The following SEC14L5 variants were observed in gnomAD, a reference collection of about 807,000 sequenced individuals.
The protein encoded by SEC14L5 is SEC14 like lipid binding 5.
In SEC14L5, 96 loss-of-function variants were observed where a neutral mutation model predicts 84.6. The ratio of observed to expected loss-of-function variants is 1.13; its 90% confidence interval spans 0.96 to 1.34. SEC14L5 has a LOEUF of 1.34. SEC14L5 is among the 40% of genes most tolerant of loss of function. SEC14L5 has a pLI of 0.00. For synonymous variants in SEC14L5, 546 were observed against 383.4 expected, an observed-to-expected ratio of 1.42 and a Z score of -4.95; for missense variants, 1,224 against 942.5, an observed-to-expected ratio of 1.30 and a Z score of -3.91.
intron 6 of SEC14L5, among the ~76,000 whole-genome samples, chr16:4,995,408 C>A (rs377629815): frequency 6.6e-6 from 1 of 152,128 alleles, no homozygotes; most frequent in Admixed American, 6.5e-5. Flanking sequence ...CCCTGTGGTT[C>A]CCAGGCTGCT....
chr16:5,010,516 A>G (rs1955787811), intron 14 of SEC14L5, among the ~76,000 whole-genome samples: 1 of 152,156 alleles, frequency 6.6e-6, no homozygotes, highest in Admixed American at 6.5e-5. Flanking sequence ...GCACACACGC[A>G]GCACCAGCTC....
rs1555531142 is a variant in SEC14L5 at position 5,005,872 on chromosome 16, A to AAAAC, written c.1303-39_1303-38insCAAA. On this transcript the variant is annotated intron_variant, in intron 11 of 15. Transcript: ENST00000251170. ...GAGCAAGACTCCGTCTCAAAAAAAA[A>AAAAC]AAAAAAAAAACCATCCATCTTGCCT... The AAAAC allele has an allele frequency of 7.1e-5, 107 of 1,499,110 alleles. No homozygotes were observed. In the African/African-American group the frequency reaches 1.2e-3, roughly 16 times the overall value. The allele number at this position is 1,499,110 out of a possible 1,614,324, so 92.9% of individuals were successfully genotyped here.
intron 5 of SEC14L5, 95 bp downstream of exon 5, chr16:4,990,990 C>A: frequency 9.6e-7 from 1 of 1,045,930 alleles, no homozygotes; most frequent in Non-Finnish European, 1.3e-6. Context: ...CTTACCCTTC[C>A]TGGGCTCAGT....
At chr16:4,969,390 C>CA (rs747282123) in intron 2 of SEC14L5, among the ~76,000 whole-genome samples, 1 of 145,452 alleles carries the variant, frequency 6.9e-6, no homozygotes, top group Non-Finnish European at 1.5e-5. Flanking sequence ...CTAGTACTTT[C>CA]TTTTTTTTTT....
At chr16:5,010,904 GATATGGGGATA>G in intron 14 of SEC14L5, 180 bp from the exon 15 acceptor site, 1 of 598,676 alleles carries the variant, frequency 1.7e-6, no homozygotes, top group South Asian at 2.2e-5. Context: ...TGGTCCCAGG[GATATGGGGATA>G]ATAGCAAGGA....
At chr16:4,982,525 A>AC (rs1955437117) in intron 2 of SEC14L5, among the ~76,000 whole-genome samples, 1 of 151,692 alleles carries the variant, frequency 6.6e-6, no homozygotes, top group Non-Finnish European at 1.5e-5. Flanking sequence ...GCCTGGGAGG[A>AC]CCTCCGCCCG....
At chr16:5,005,876 A>C (rs758555207) in intron 11 of SEC14L5, 38 bp from the exon 12 acceptor site, 97 of 1,505,652 alleles carry the variant, frequency 6.4e-5, no homozygotes, top group African/African-American at 1.3e-4. Flanking sequence ...AAAAAAAAAA[A>C]AAAAAACCAT....
intron 2 of SEC14L5, among the ~76,000 whole-genome samples, chr16:4,964,197 G>A (rs1490667965): frequency 6.6e-6 from 1 of 152,168 alleles, no homozygotes; most frequent in Admixed American, 6.5e-5. Context: ...AGGACACAAA[G>A]GCCATGTGGC....
chr16:5,000,825 A>C lies in SEC14L5; in HGVS notation c.1060-30A>C, dbSNP rs1272325678. 4 of 1,586,310 alleles carry C rather than the reference A, an allele frequency of 2.5e-6. No individual in the cohort carries two copies. In the South Asian group the frequency reaches 3.4e-5, roughly 14 times the overall value. On this transcript the variant is annotated intron_variant, in intron 9 of 15. Transcript: ENST00000251170. Reference sequence around the variant, plus strand: ...TGTGTGGGGTAAAGCAGCGAGGCGGACGTTGAGCAGCACTGTCTCTCCCTT... The same window carrying C: ...TGTGTGGGGTAAAGCAGCGAGGCGGCCGTTGAGCAGCACTGTCTCTCCCTT...
intron 2 of SEC14L5, among the ~76,000 whole-genome samples, chr16:4,969,941 C>T (rs1955254737): frequency 1.3e-5 from 2 of 152,016 alleles, no homozygotes. Context: ...CCTCAGCCTC[C>T]CAAGTAGCTG....
intron 4 of SEC14L5, among the ~76,000 whole-genome samples, chr16:4,990,413 T>C (rs920820285): frequency 2.6e-5 from 4 of 152,250 alleles, no homozygotes; most frequent in Admixed American, 2.0e-4. Flanking sequence ...TTCGCCCACC[T>C]TGGGCTCCCA....
At chr16:5,012,107 C>G (rs1278643071) in intron 15 of SEC14L5, among the ~76,000 whole-genome samples, 3 of 152,126 alleles carry the variant, frequency 2.0e-5, no homozygotes, top group Non-Finnish European at 2.9e-5. Context: ...GCATGGGCAC[C>G]CAGAGTGAAG....
In SEC14L5 at chr16:5,014,889, C is replaced by T. The variant is rs1955854155; in HGVS notation, c.2010C>T (p.Thr670=). The T allele has an allele frequency of 6.2e-7, 1 of 1,613,760 alleles. No homozygotes were observed. The highest frequency in any genetic ancestry group is 8.5e-7 in the Non-Finnish European group (1 of 1,179,880). Residue 670 remains threonine, a synonymous_variant, in exon 16 of 16, where the codon ACC becomes ACT. Transcript: ENST00000251170. ...RGSMSSLESC[T]SGFSQLSAAT... Reference sequence around the variant, plus strand: ...CCATGTCCAGCCTGGAATCCTGCACCAGCGGCTTCTCCCAGCTCAGCGCCG... The same window carrying T: ...CCATGTCCAGCCTGGAATCCTGCACTAGCGGCTTCTCCCAGCTCAGCGCCG...
At chr16:4,993,472 C>T (rs1202566870) in intron 6 of SEC14L5, among the ~76,000 whole-genome samples, 1 of 152,188 alleles carries the variant, frequency 6.6e-6, no homozygotes, top group Non-Finnish European at 1.5e-5. Flanking sequence ...GAACTCCTGA[C>T]CTCAGGTGAT....
intron 15 of SEC14L5, among the ~76,000 whole-genome samples, chr16:5,012,680 G>A (rs947793419): frequency 6.6e-6 from 1 of 152,218 alleles, no homozygotes; most frequent in Admixed American, 6.5e-5. Flanking sequence ...CGAGGTGGGT[G>A]GATCATCTGT....
chr16:5,005,101 A>C (rs996584386), intron 11 of SEC14L5, among the ~76,000 whole-genome samples: 1 of 152,168 alleles, frequency 6.6e-6, no homozygotes, highest in Non-Finnish European at 1.5e-5. Context: ...ACCTGAGGTC[A>C]GGAGTTCAAG....
Position 4,964,734 on chromosome 16 carries a change from C to A in SEC14L5, c.63+5348C>A, listed in dbSNP as rs1352688366. On this transcript the variant is annotated intron_variant, in intron 2 of 15. Transcript: ENST00000251170. ...TACAGGCGTGAGCCACTGTGCCCCACCTCTTCTTCTTTTTTCGATACGGGG... is the reference window on the plus strand; with the variant it reads ...TACAGGCGTGAGCCACTGTGCCCCAACTCTTCTTCTTTTTTCGATACGGGG... Among the ~76,000 whole-genome samples the A allele has an allele frequency of 2.6e-5, 4 of 152,080 alleles. No individual in the cohort carries two copies. In the East Asian group the frequency reaches 7.7e-4, roughly 29 times the overall value.
chr16:4,982,964 T>C (rs1015664415), intron 2 of SEC14L5, among the ~76,000 whole-genome samples: 22 of 152,304 alleles, frequency 1.4e-4, no homozygotes, highest in Admixed American at 3.9e-4. Context: ...TATATTCATA[T>C]ATAAAATAAA....
intron 2 of SEC14L5, among the ~76,000 whole-genome samples, chr16:4,967,854 A>AT (rs1955223842): frequency 6.7e-6 from 1 of 149,992 alleles, no homozygotes. Flanking sequence ...TGATCCACCT[A>AT]CCTCGGCCTC....
Sources: allele counts gnomAD v4.1 joint callset (sites outside exome capture counted in the v4.1 genomes callset), GRCh38; gene constraint gnomAD v4.1.1; transcripts MANE v1.5; gene names NCBI Gene and HGNC (gene_info 2026-07-23, HGNC 2026-07-21).